Variants in TAFA1 observed in about 807,000 individuals in gnomAD.
TAFA1 encodes chemokine-like protein TAFA-1.
A neutral mutation model predicts 18.5 loss-of-function variants in TAFA1; 4 were observed. That is an observed-to-expected ratio of 0.22 (90% CI 0.11 to 0.49). TAFA1 has a LOEUF of 0.49. TAFA1 is among the 20% of genes least tolerant of loss of function. The probability of loss-of-function intolerance (pLI) is 0.98; values close to 1 mark genes in which losing one functional copy is unlikely to be tolerated. For missense variants in TAFA1, 147 were observed against 169.0 expected, an observed-to-expected ratio of 0.87 and a Z score of 0.72; for synonymous variants, 56 against 55.2, an observed-to-expected ratio of 1.01 and a Z score of -0.06.
intron 3 of TAFA1, among the ~76,000 whole-genome samples, chr3:68,461,956 G>A (rs1044738575): frequency 2.6e-5 from 4 of 151,970 alleles, no homozygotes; most frequent in Non-Finnish European, 5.9e-5. Flanking sequence ...AAAAGTGGGG[G>A]GAAAATCAAA....
intron 2 of TAFA1, among the ~76,000 whole-genome samples, chr3:68,371,745 C>T (rs373601466): frequency 1.3e-5 from 2 of 152,034 alleles, no homozygotes; most frequent in East Asian, 1.9e-4. Flanking sequence ...AACTCAAATG[C>T]GCACAGGATG....
chr3:68,485,242 C>T (rs1381569592), intron 3 of TAFA1, among the ~76,000 whole-genome samples: 2 of 152,160 alleles, frequency 1.3e-5, no homozygotes, highest in Non-Finnish European at 2.9e-5. Flanking sequence ...TAAATGTTGT[C>T]AACCTGCCAG....
chr3:68,177,671 T>C (rs751460725), intron 2 of TAFA1, among the ~76,000 whole-genome samples: 10 of 152,202 alleles, frequency 6.6e-5, no homozygotes, highest in Non-Finnish European at 1.2e-4. Flanking sequence ...ATGGTGAATA[T>C]AATAGTTACA....
intron 2 of TAFA1, among the ~76,000 whole-genome samples, chr3:68,078,814 T>C (rs1323413801): frequency 6.6e-6 from 1 of 152,272 alleles, no homozygotes; most frequent in South Asian, 2.1e-4. Context: ...ATCAGAATGA[T>C]GCTGTCCTCA....
intron 2 of TAFA1, among the ~76,000 whole-genome samples, chr3:68,291,373 T>C (rs1458979881): frequency 6.6e-6 from 1 of 152,192 alleles, no homozygotes; most frequent in Non-Finnish European, 1.5e-5. Context: ...TTTTTTTACA[T>C]GCCCAGTGCT....
At chr3:68,204,919 C>CT (rs2066508352) in intron 2 of TAFA1, among the ~76,000 whole-genome samples, 1 of 151,744 alleles carries the variant, frequency 6.6e-6, no homozygotes, top group African/African-American at 2.4e-5. Flanking sequence ...AACCCACTTC[C>CT]TTTTTTTCCC....
intron 2 of TAFA1, among the ~76,000 whole-genome samples, chr3:68,070,371 G>A (rs1235231461): frequency 6.6e-6 from 1 of 152,210 alleles, no homozygotes; most frequent in Non-Finnish European, 1.5e-5. Context: ...TGGAACAGCT[G>A]GGTTGCAGGG....
At chr3:68,237,546 A>T (rs2066943232) in intron 2 of TAFA1, among the ~76,000 whole-genome samples, 1 of 152,202 alleles carries the variant, frequency 6.6e-6, no homozygotes, top group African/African-American at 2.4e-5. Flanking sequence ...GTATGTATGA[A>T]TTCATGTTTT....
At chr3:68,501,293 A>G (rs2072654779) in intron 3 of TAFA1, among the ~76,000 whole-genome samples, 1 of 152,162 alleles carries the variant, frequency 6.6e-6, no homozygotes, top group Non-Finnish European at 1.5e-5. Context: ...ACTGTATAAA[A>G]TGAATACTGC....
intron 2 of TAFA1, among the ~76,000 whole-genome samples, chr3:68,057,349 G>A (rs1295051245): frequency 2.0e-5 from 3 of 152,148 alleles, no homozygotes; most frequent in Non-Finnish European, 4.4e-5. Flanking sequence ...TTGAAAAGAG[G>A]TGATCCTGTG....
chr3:68,170,953 C>T (rs1240918249), intron 2 of TAFA1, among the ~76,000 whole-genome samples: 1 of 152,034 alleles, frequency 6.6e-6, no homozygotes, highest in Non-Finnish European at 1.5e-5. Context: ...CAAGCAGCAA[C>T]AGCCAAAACA....
chr3:68,272,378 A>G (rs901000813), intron 2 of TAFA1, among the ~76,000 whole-genome samples: 5 of 152,272 alleles, frequency 3.3e-5, no homozygotes, highest in Admixed American at 3.3e-4. Flanking sequence ...CAAAGATTTG[A>G]CAAATTTACC....
In TAFA1 at chr3:68,478,916, G is replaced by GTGTA. The variant is rs1553695213; in HGVS notation, c.260-59839_260-59838insGTAT. Among the ~76,000 whole-genome samples the GTGTA allele has an allele frequency of 5.6e-3, 819 of 146,712 alleles. 4 individuals are homozygous for GTGTA. The highest frequency in any genetic ancestry group is 0.032 in the Middle Eastern group (9 of 278). On this transcript the variant is annotated intron_variant, in intron 3 of 4. Coordinates refer to ENST00000478136, the MANE Select transcript of TAFA1 (RefSeq NM_213609.4). The stretch of plus-strand genomic sequence containing the variant: ...ATACATTTTTATGTCGTATATGTGT[G>GTGTA]TATATATATATATATACATAAAAAT...
chr3:68,387,335 A>G (rs1056409288), intron 2 of TAFA1, among the ~76,000 whole-genome samples: 1 of 152,158 alleles, frequency 6.6e-6, no homozygotes, highest in Non-Finnish European at 1.5e-5. Flanking sequence ...GACACTAAGG[A>G]AGAGATTATT....
intron 3 of TAFA1, among the ~76,000 whole-genome samples, chr3:68,515,524 TTAAAG>T (rs1320258815): frequency 1.3e-5 from 2 of 152,024 alleles, no homozygotes; most frequent in Admixed American, 6.5e-5. Context: ...CAAAGGAAAA[TTAAAG>T]TATTGTTCCC....
chr3:68,131,874 A>T (rs1448747106), intron 2 of TAFA1, among the ~76,000 whole-genome samples: 5 of 151,882 alleles, frequency 3.3e-5, no homozygotes, highest in African/African-American at 1.2e-4. Context: ...GAAACTCCCT[A>T]TTTTTTAACC....
chr3:68,240,148 G>T (rs2066977895), intron 2 of TAFA1, among the ~76,000 whole-genome samples: 1 of 152,112 alleles, frequency 6.6e-6, no homozygotes, highest in Non-Finnish European at 1.5e-5. Flanking sequence ...AAGAGAATGG[G>T]ATGCTCTTAG....
At chr3:68,520,644 C>T (rs2073006198) in intron 3 of TAFA1, among the ~76,000 whole-genome samples, 1 of 152,126 alleles carries the variant, frequency 6.6e-6, no homozygotes, top group Non-Finnish European at 1.5e-5. Context: ...CAGAAGTATG[C>T]TAGGAAAATG....
chr3:68,478,418 G>GA (rs1199409223), intron 3 of TAFA1, among the ~76,000 whole-genome samples: 12 of 151,606 alleles, frequency 7.9e-5, no homozygotes, highest in African/African-American at 1.9e-4. Context: ...GAAATAAGAA[G>GA]AAAAAAAACA....
Sources: allele counts gnomAD v4.1 joint callset (sites outside exome capture counted in the v4.1 genomes callset), GRCh38; gene constraint gnomAD v4.1.1; transcripts MANE v1.5; gene names NCBI Gene and HGNC (gene_info 2026-07-23, HGNC 2026-07-21).